The following MTIF2 variants were observed in gnomAD, a reference collection of about 807,000 sequenced individuals.
The protein encoded by MTIF2 is mitochondrial translational initiation factor 2, also known as translation initiation factor IF-2, mitochondrial.
Under a neutral mutation model 83.5 loss-of-function variants are expected in MTIF2, and 71 were observed. That is an observed-to-expected ratio of 0.85 (90% CI 0.70 to 1.04). The LOEUF (loss-of-function observed/expected upper bound fraction) is 1.04. MTIF2 is among the 50% of genes least tolerant of loss of function. MTIF2 has a pLI of 0.00. For synonymous variants in MTIF2, 319 were observed against 287.1 expected (o/e 1.11, Z -1.12); for missense variants, 957 against 846.5 (o/e 1.13, Z -1.62).
At position 55,237,270 on chromosome 2, in the gene MTIF2, G is replaced by C. The variant is rs770439352; in HGVS notation, c.2011+18C>G. The stretch of plus-strand genomic sequence containing the variant: ...GGTGACTGGATATGCTATTATAGGA[G>C]ATTTTGATGTTGCTTACCCTTCCAA... On this transcript the variant is annotated intron_variant, in intron 15 of 15. Coordinates refer to ENST00000263629, the MANE Select transcript of MTIF2 (RefSeq NM_002453.3). 25 of 1,604,782 alleles carry C rather than the reference G, an allele frequency of 1.6e-5. No individual in the cohort carries two copies. The highest frequency in any genetic ancestry group is 2.0e-5 in the Non-Finnish European group (23 of 1,177,076).
At chr2:55,268,031 T>TCC (rs1449741143) in intron 2 of MTIF2, among the ~76,000 whole-genome samples, 7 of 152,062 alleles carry the variant, frequency 4.6e-5, no homozygotes, top group Admixed American at 4.6e-4. Flanking sequence ...GGCGGGCGGA[T>TCC]CACCTGAGGT....
chr2:55,245,227 A>G (rs2104336082), intron 10 of MTIF2, among the ~76,000 whole-genome samples: 1 of 152,124 alleles, frequency 6.6e-6, no homozygotes, highest in South Asian at 2.1e-4. Flanking sequence ...CACAAAATTG[A>G]AACACAAAAC....
chr2:55,257,054 A>G (rs377471922), intron 5 of MTIF2, among the ~76,000 whole-genome samples: 4 of 152,336 alleles, frequency 2.6e-5, no homozygotes, highest in African/African-American at 9.6e-5. Context: ...ATTTTATTTA[A>G]TGTGCTTTGT....
chr2:55,255,491 A>G (rs1021269112), intron 5 of MTIF2, among the ~76,000 whole-genome samples: 8 of 147,088 alleles, frequency 5.4e-5, no homozygotes, highest in Admixed American at 4.1e-4. Flanking sequence ...ATATAAATAC[A>G]TATATTATAT....
At chr2:55,263,929 T>TAGTAAATATCCAA in intron 3 of MTIF2, 64 bp from the exon 4 acceptor site, 1 of 1,238,016 alleles carries the variant, frequency 8.1e-7, no homozygotes, top group South Asian at 1.3e-5. Flanking sequence ...TAATTGGATA[T>TAGTAAATATCCAA]TTACTATATG....
At chr2:55,247,407 G>T (rs772185352) in intron 9 of MTIF2, among the ~76,000 whole-genome samples, 4 of 152,104 alleles carry the variant, frequency 2.6e-5, no homozygotes, top group African/African-American at 4.8e-5. Context: ...CAAAAAATTA[G>T]TCAGGTGTGG....
chr2:55,251,357 A>G (rs1677082400), intron 8 of MTIF2, among the ~76,000 whole-genome samples: 1 of 152,204 alleles, frequency 6.6e-6, no homozygotes, highest in Non-Finnish European at 1.5e-5. Flanking sequence ...AGAAAAGAGA[A>G]TAACATTGGA....
At chr2:55,246,586 G>T in intron 9 of MTIF2, 125 bp from the exon 10 acceptor site, 1 of 754,828 alleles carries the variant, frequency 1.3e-6, no homozygotes, top group Non-Finnish European at 2.1e-6. Context: ...ATCATTGAAA[G>T]CATGATTACT....
chr2:55,240,455 T>C (rs1007801133), intron 13 of MTIF2, among the ~76,000 whole-genome samples: 1 of 152,068 alleles, frequency 6.6e-6, no homozygotes, highest in Non-Finnish European at 1.5e-5. Context: ...TGGTGGCACC[T>C]GTAATTCCAG....
intron 5 of MTIF2, among the ~76,000 whole-genome samples, chr2:55,260,313 T>C (rs942123692): frequency 1.3e-5 from 2 of 151,518 alleles, no homozygotes; most frequent in African/African-American, 4.9e-5. Context: ...GACAGGAGAA[T>C]TGCTTGAACC....
rs781108226 is a variant in MTIF2 at position 55,254,066 on chromosome 2, G to C, written c.639C>G (p.Ile213Met). 5 of 1,614,072 alleles carry C rather than the reference G, an allele frequency of 3.1e-6. No homozygotes were observed. The highest frequency in any genetic ancestry group is 4.2e-6 in the Non-Finnish European group (5 of 1,180,032). ...CAAGAAAGGCACCAATGTGCTGAGTGATGCCTCCAGTTTCCACTGCTGCCA... is the reference window on the plus strand; with the variant it reads ...CAAGAAAGGCACCAATGTGCTGAGTCATGCCTCCAGTTTCCACTGCTGCCA... ...TQVAAVETGG[I>M]TQHIGAFLVS... The change falls in exon 7 of 16, where the codon ATC becomes ATG. Residue 213 changes from isoleucine to methionine, a missense_variant. By Grantham distance (10) the Ile-to-Met change is conservative. Around this residue, in one of 3 missense-constraint regions of MTIF2, gnomAD observed 733 missense variants for 648.7 expected, o/e 1.13. Transcript: ENST00000263629.
In MTIF2 at chr2:55,240,173, C is replaced by T. The variant is rs375073816; in HGVS notation, c.1708G>A (p.Val570Ile). The change falls in exon 14 of 16, where the codon GTT becomes ATT. Residue 570 changes from valine (V) to isoleucine (I), a missense_variant and splice_region_variant. Val to Ile is a conservative substitution (Grantham distance 29, BLOSUM62 3). Transcript: ENST00000263629. Reference protein sequence around the residue: ...DVNLAETFDGVIYGFNVNAGN... With the variant: ...DVNLAETFDGIIYGFNVNAGN... ...GCATTCACATTAAAGCCATATATAA[C>T]ACCTAGCAAACAGAAATATGATCAA... The T allele has an allele frequency of 1.2e-6, 2 of 1,605,054 alleles. No homozygotes were observed. Among genetic ancestry groups the T allele is most frequent in the African/African-American group, 1.3e-5 (1 of 74,768 alleles).
At chr2:55,260,442 T>G (rs545234168) in intron 5 of MTIF2, among the ~76,000 whole-genome samples, 1 of 152,040 alleles carries the variant, frequency 6.6e-6, no homozygotes, top group East Asian at 1.9e-4. Flanking sequence ...GCTAACAATT[T>G]TGTACTCTTT....
At chr2:55,257,518 C>T (rs1177302593) in intron 5 of MTIF2, among the ~76,000 whole-genome samples, 1 of 152,204 alleles carries the variant, frequency 6.6e-6, no homozygotes, top group Middle Eastern at 3.4e-3. Context: ...CTCAGATAAG[C>T]AGAACATTAA....
intron 13 of MTIF2, among the ~76,000 whole-genome samples, chr2:55,241,884 A>G (rs891408947): frequency 2.0e-5 from 3 of 152,174 alleles, no homozygotes; most frequent in African/African-American, 7.2e-5. Flanking sequence ...ACAACGGCTC[A>G]TGCCTGTAAT....
rs746760758 is a variant in MTIF2, at chr2:55,263,868, G to A, written c.-7-3C>T. 3 of 1,579,656 alleles carry A rather than the reference G, an allele frequency of 1.9e-6. No individual in the cohort carries two copies. The highest frequency in any genetic ancestry group is 1.9e-5 in the Admixed American group (1 of 52,272). The stretch of plus-strand genomic sequence containing the variant: ...GTAGCTTCTGGTTCATGTTTCTCCT[G>A]GGGAAAAAAAAAAGGTTTTAAAATA... On this transcript the variant is annotated splice_region_variant and splice_polypyrimidine_tract_variant and intron_variant, in intron 3 of 15. Transcript: ENST00000263629.
chr2:55,257,661 A>C (rs1677647738), intron 5 of MTIF2, among the ~76,000 whole-genome samples: 1 of 152,180 alleles, frequency 6.6e-6, no homozygotes, highest in Non-Finnish European at 1.5e-5. Context: ...ATTACAAGCT[A>C]CCAACATAAA....
intron 13 of MTIF2, 81 bp downstream of exon 13, chr2:55,242,857 CAA>C: frequency 1.4e-6 from 2 of 1,418,334 alleles, no homozygotes; most frequent in Non-Finnish European, 9.6e-7. Context: ...TCAGGTGTGA[CAA>C]GCCAAGCAAC....
chr2:55,243,373 T>C, intron 12 of MTIF2, 43 bp downstream of exon 12: 2 of 1,506,030 alleles, frequency 1.3e-6, no homozygotes, highest in South Asian at 1.2e-5. Flanking sequence ...AAAAAACATA[T>C]ATTCAAAGAA....
Sources: gnomAD v4.1 joint callset for allele counts (sites outside exome capture counted in the v4.1 genomes callset) on GRCh38, gnomAD v4.1.1 for gene constraint, gnomAD v4.1.1 regional missense constraint, MANE v1.5 for transcripts, NCBI Gene and HGNC (gene_info 2026-07-23, HGNC 2026-07-21) for gene names.